Variants in RIN3 observed in about 807,000 individuals in gnomAD.
The protein encoded by RIN3 is RAB5 interacting protein 3.
RIN3 carries 54 observed loss-of-function variants against 76.3 expected under a neutral mutation model. The observed-to-expected ratio is 0.71, with a 90% CI of 0.57 to 0.89. The LOEUF (loss-of-function observed/expected upper bound fraction) is 0.89. Ranked by LOEUF, RIN3 falls within the 40% of genes least tolerant of loss-of-function variation. RIN3 has a pLI of 0.00. For synonymous variants in RIN3, 576 were observed against 564.0 expected (o/e 1.02, Z -0.30); for missense variants, 1,256 against 1,322.1 (o/e 0.95, Z 0.78).
intron 1 of RIN3, among the ~76,000 whole-genome samples, chr14:92,552,276 C>A (rs1897448639): frequency 6.6e-6 from 1 of 152,188 alleles, no homozygotes; most frequent in Non-Finnish European, 1.5e-5. Flanking sequence ...CTGAGAGCAG[C>A]AGCCTCGTGC....
At chr14:92,651,145 G>A (rs569496669) in intron 5 of RIN3, among the ~76,000 whole-genome samples, 93 of 152,268 alleles carry the variant, frequency 6.1e-4, no homozygotes, top group African/African-American at 2.2e-3. Flanking sequence ...TGAGGCCTAG[G>A]AAGGTCAAAC....
At chr14:92,537,518 G>A (rs1049105370) in intron 1 of RIN3, among the ~76,000 whole-genome samples, 1 of 152,076 alleles carries the variant, frequency 6.6e-6, no homozygotes, top group African/African-American at 2.4e-5. Context: ...ACGATTGCTG[G>A]GTCAAGGGGC....
In RIN3 at chr14:92,656,150, T is replaced by G. The variant is rs983906799; in HGVS notation, c.2027-3011T>G. On this transcript the variant is annotated intron_variant, in intron 6 of 9. Coordinates refer to ENST00000216487, the MANE Select transcript of RIN3 (RefSeq NM_024832.5). This position sits in a 1 kb window ranked among gnomAD's most constrained non-coding sequence, Gnocchi z 5.2. ...CTGTGGTCAGCCCTGCCTTCCAGAGTTGGGGGAGTGTAAGAGCTGAGGCCC... is the reference window on the plus strand; with the variant it reads ...CTGTGGTCAGCCCTGCCTTCCAGAGGTGGGGGAGTGTAAGAGCTGAGGCCC... Among the ~76,000 whole-genome samples, 1 of 151,310 alleles carries G rather than the reference T, an allele frequency of 6.6e-6. No homozygotes were observed. The highest frequency in any genetic ancestry group is 1.5e-5 in the Non-Finnish European group (1 of 67,824).
intron 1 of RIN3, among the ~76,000 whole-genome samples, chr14:92,537,929 T>A (rs904097811): frequency 2.6e-5 from 4 of 152,052 alleles, no homozygotes; most frequent in Non-Finnish European, 4.4e-5. Flanking sequence ...CTCTGACTCC[T>A]GGGTTCAAGT....
intron 1 of RIN3, among the ~76,000 whole-genome samples, chr14:92,540,924 G>C (rs1397751606): frequency 6.6e-6 from 1 of 152,232 alleles, no homozygotes; most frequent in Admixed American, 6.5e-5. Context: ...CCCAGGCAGA[G>C]CCCCTGGCAG....
intron 4 of RIN3, among the ~76,000 whole-genome samples, chr14:92,635,698 C>A (rs577169602): frequency 6.6e-6 from 1 of 151,792 alleles, no homozygotes; most frequent in African/African-American, 2.4e-5. Context: ...CTAAAAAATA[C>A]AAAAATCAGC....
intron 1 of RIN3, among the ~76,000 whole-genome samples, chr14:92,527,339 ACTGCAC>A (rs1896766151): frequency 6.6e-6 from 1 of 152,124 alleles, no homozygotes; most frequent in Admixed American, 6.5e-5. Context: ...GGCGTGAGCC[ACTGCAC>A]CTGGCCATTT....
rs1385102099 is a variant in RIN3, at chr14:92,547,092, A to T, written c.45-8659A>T. Among the ~76,000 whole-genome samples the T allele has an allele frequency of 4.6e-5, 4 of 87,764 alleles. 1 individual carries two copies. The East Asian group carries it at 8.4e-4, about 18-fold the overall frequency. 57.6% of individuals were successfully genotyped at this position (87,764 alleles called of 152,430 possible). A position where few individuals can be genotyped will look rare whatever the true frequency, so the allele number is the denominator to read the frequency against. On this transcript the variant is annotated intron_variant, in intron 1 of 9. Coordinates refer to ENST00000216487, the MANE Select transcript of RIN3 (RefSeq NM_024832.5). The stretch of plus-strand genomic sequence containing the variant: ...TTTATTTTATATTATATTATATTAT[A>T]TTATAATTAAATAAATTATCTTTAT...
chr14:92,597,281 A>G (rs1202962710), intron 3 of RIN3, among the ~76,000 whole-genome samples: 1 of 152,228 alleles, frequency 6.6e-6, no homozygotes, highest in East Asian at 1.9e-4. Context: ...TGTAGCATAG[A>G]TTCCCAGAGA....
intron 1 of RIN3, among the ~76,000 whole-genome samples, chr14:92,550,400 T>G (rs1897391293): frequency 1.3e-5 from 2 of 152,204 alleles, no homozygotes; most frequent in African/African-American, 4.8e-5. Flanking sequence ...TTTTTATTTT[T>G]GTTTAGTTTT....
chr14:92,524,852 A>G (rs947494716), intron 1 of RIN3, among the ~76,000 whole-genome samples: 2 of 152,190 alleles, frequency 1.3e-5, no homozygotes, highest in Admixed American at 6.5e-5. Flanking sequence ...AGGCCGCTCC[A>G]TGGCACGAGG....
chr14:92,671,045 A>T (rs1415449194), intron 7 of RIN3, among the ~76,000 whole-genome samples: 1 of 152,180 alleles, frequency 6.6e-6, no homozygotes, highest in Non-Finnish European at 1.5e-5. Flanking sequence ...AAGAACACAC[A>T]TGGGACATAG....
At chr14:92,534,397 C>T (rs1234705301) in intron 1 of RIN3, among the ~76,000 whole-genome samples, 4 of 151,550 alleles carry the variant, frequency 2.6e-5, no homozygotes, top group Non-Finnish European at 4.4e-5. Flanking sequence ...CTGGCCATCA[C>T]GGTGAAACCC....
At chr14:92,642,542 A>G (rs552500971) in intron 5 of RIN3, among the ~76,000 whole-genome samples, 2 of 152,290 alleles carry the variant, frequency 1.3e-5, no homozygotes, top group African/African-American at 4.8e-5. Flanking sequence ...AAACTCAGCC[A>G]TACATAGGAC....
At chr14:92,601,459 A>G (rs1431198175) in intron 3 of RIN3, among the ~76,000 whole-genome samples, 1 of 152,124 alleles carries the variant, frequency 6.6e-6, no homozygotes, top group Admixed American at 6.5e-5. Flanking sequence ...CAAAGTTCCC[A>G]AGCTTGCAGG....
Position 92,652,214 on chromosome 14 carries a change from C to T in RIN3, c.1165C>T (p.Arg389Cys), listed in dbSNP as rs143955535. Residue 389 changes from arginine to cysteine, a missense_variant, in exon 6 of 10, where the codon CGC (arginine) becomes TGC (cysteine). Physicochemically the swap from Arg to Cys is radical, Grantham distance 180. Around this residue, in one of 3 missense-constraint regions of RIN3, gnomAD observed 610 missense variants for 626.4 expected, o/e 0.97. Transcript: ENST00000216487. This position sits in a 1 kb window ranked among gnomAD's most constrained non-coding sequence, Gnocchi z 6.4. ...GAACCTTCCCACTGCCCCTCCCAGA[C>T]GCCGCGTTTCCGAGAGGGTGTCCTT... is the stretch of plus-strand genomic sequence containing the variant. ...KKNLPTAPPR[R>C]RVSERVSLED... The T allele has an allele frequency of 4.2e-5, 67 of 1,606,530 alleles. No individual in the cohort carries two copies. Among genetic ancestry groups the T allele is most frequent in the South Asian group, 1.2e-4 (11 of 90,680 alleles).
intron 4 of RIN3, among the ~76,000 whole-genome samples, chr14:92,622,804 T>C (rs1478607567): frequency 1.3e-5 from 2 of 152,232 alleles, no homozygotes; most frequent in African/African-American, 4.8e-5. Flanking sequence ...GATTACCTTT[T>C]AGAATAGAAC....
chr14:92,687,747 AG>A, intron 9 of RIN3, 178 bp from the exon 10 acceptor site: 1 of 559,832 alleles, frequency 1.8e-6, no homozygotes, highest in Admixed American at 3.8e-5. Flanking sequence ...GAAGCCAGGC[AG>A]GGAGGGGGAC....
intron 3 of RIN3, among the ~76,000 whole-genome samples, chr14:92,611,444 T>G (rs994488579): frequency 6.6e-6 from 1 of 152,122 alleles, no homozygotes; most frequent in Non-Finnish European, 1.5e-5. Context: ...TTATTTCTAG[T>G]AGAGACAGGT....
Sources: allele counts gnomAD v4.1 joint callset (sites outside exome capture counted in the v4.1 genomes callset), GRCh38; gene constraint gnomAD v4.1.1; regional missense constraint gnomAD v4.1.1; non-coding constraint Gnocchi (gnomAD v3.1); transcripts MANE v1.5; gene names NCBI Gene and HGNC (gene_info 2026-07-23, HGNC 2026-07-21).